HYDIN: variants seen among roughly 807,000 people sequenced by gnomAD.
HYDIN encodes axonemal central pair apparatus protein HYDIN.
In HYDIN, 132 loss-of-function variants were observed where a neutral mutation model predicts 403.9. That is an observed-to-expected ratio of 0.33 (90% CI 0.28 to 0.38). The LOEUF (loss-of-function observed/expected upper bound fraction) is 0.38, where lower values mean the gene tolerates loss of function less well. Ranked by LOEUF, HYDIN falls within the 10% of genes least tolerant of loss-of-function variation. HYDIN has a pLI of 1.00. For missense variants in HYDIN, 2,827 were observed against 5,009.5 expected, an observed-to-expected ratio of 0.56 and a Z score of 13.15; for synonymous variants, 1,202 against 1,891.7, an observed-to-expected ratio of 0.64 and a Z score of 9.46.
chr16:71,067,039 C>A (rs1225386454), intron 15 of HYDIN: 6 of 643,866 alleles, frequency 9.3e-6, no homozygotes, highest in Non-Finnish European at 1.7e-5. Flanking sequence ...AGGGTCTGAC[C>A]CGTTTTTTCA....
At chr16:70,996,209 C>G (rs2079527749) in intron 23 of HYDIN, among the ~76,000 whole-genome samples, 2 of 152,314 alleles carry the variant, frequency 1.3e-5, no homozygotes, top group South Asian at 4.1e-4. Context: ...TCTTGCTTCC[C>G]TTAATTTCTT....
intron 52 of HYDIN, among the ~76,000 whole-genome samples, chr16:70,902,285 G>A (rs998725357): frequency 2.0e-4 from 25 of 126,814 alleles, no homozygotes; most frequent in Non-Finnish European, 3.2e-4. Context: ...AATAGGTGGA[G>A]TTGATATTAT....
intron 1 of HYDIN, among the ~76,000 whole-genome samples, chr16:71,201,835 G>C (rs2088031463): frequency 6.6e-6 from 1 of 152,234 alleles, no homozygotes; most frequent in African/African-American, 2.4e-5. Flanking sequence ...AGTGTCATCT[G>C]AGCTGTATGC....
chr16:71,228,630 A>G (rs570636474), intron 1 of HYDIN, among the ~76,000 whole-genome samples: 1 of 152,284 alleles, frequency 6.6e-6, no homozygotes, highest in South Asian at 2.1e-4. Context: ...ACCAGTTAGA[A>G]TGGCGATTAA....
chr16:70,933,965 C>G (rs2077426203), intron 45 of HYDIN, among the ~76,000 whole-genome samples: 1 of 152,074 alleles, frequency 6.6e-6, no homozygotes, highest in Non-Finnish European at 1.5e-5. Flanking sequence ...AAGGCTGACG[C>G]TGGAAACCTG....
rs1453404391 is a variant in HYDIN at position 71,069,391 on chromosome 16, T to A, written c.1850A>T (p.Glu617Val). Residue 617 changes from glutamate (E) to valine (V), a missense_variant, in exon 14 of 86, where the codon GAG (glutamate) becomes GTG (valine). Glu to Val is a moderately radical substitution (Grantham distance 121). Transcript: ENST00000393567. ...GLGHKSISYC[E>V]QHVDYKRPSW... is the part of the protein sequence containing the mutation. Reference sequence around the variant, plus strand: ...TGGTCTTTTGTAGTCCACATGCTGCTCACAATATGAAATGCTTTTATGGCC... The same window carrying A: ...TGGTCTTTTGTAGTCCACATGCTGCACACAATATGAAATGCTTTTATGGCC... 6.2e-7 allele frequency: 1 copy of A among 1,614,176 alleles called. No individual in the cohort carries two copies. The highest frequency in any genetic ancestry group is 8.5e-7 in the Non-Finnish European group (1 of 1,180,016).
intron 23 of HYDIN, among the ~76,000 whole-genome samples, chr16:70,995,709 A>G (rs2079510885): frequency 6.6e-6 from 1 of 152,134 alleles, no homozygotes; most frequent in Non-Finnish European, 1.5e-5. Context: ...AAGTCTGCGC[A>G]GTGTAGTCTT....
At chr16:70,960,784 C>T (rs1333951928) in intron 38 of HYDIN, among the ~76,000 whole-genome samples, 3 of 152,308 alleles carry the variant, frequency 2.0e-5, no homozygotes, top group Non-Finnish European at 2.9e-5. Context: ...CTCCGCCTCC[C>T]GGGTTCAAGT....
intron 1 of HYDIN, among the ~76,000 whole-genome samples, chr16:71,222,951 T>C (rs2040867362): frequency 1.3e-5 from 2 of 152,132 alleles, no homozygotes; most frequent in African/African-American, 2.4e-5. Flanking sequence ...AACATCATTC[T>C]TCACAGAACT....
At chr16:70,956,067 G>C (rs1567901744) in intron 39 of HYDIN, among the ~76,000 whole-genome samples, 1 of 152,150 alleles carries the variant, frequency 6.6e-6, no homozygotes, top group Non-Finnish European at 1.5e-5. Context: ...TGATCCACCT[G>C]CCTTGGCCTC....
At chr16:71,068,472 T>C (rs1281309896) in intron 14 of HYDIN, among the ~76,000 whole-genome samples, 1 of 151,610 alleles carries the variant, frequency 6.6e-6, no homozygotes, top group Non-Finnish European at 1.5e-5. Context: ...AATCCTAGTG[T>C]GACTGTAACC....
intron 45 of HYDIN, among the ~76,000 whole-genome samples, chr16:70,922,337 A>T (rs1291403664): frequency 1.3e-5 from 2 of 152,268 alleles, no homozygotes; most frequent in Non-Finnish European, 2.9e-5. Flanking sequence ...TGTACTTGCA[A>T]GACTGTGGGA....
intron 10 of HYDIN, among the ~76,000 whole-genome samples, chr16:71,102,692 CA>C (rs2083494738): frequency 1.3e-5 from 2 of 151,902 alleles, no homozygotes; most frequent in East Asian, 3.9e-4. Flanking sequence ...ATGTGTTATG[CA>C]TTATCAGCTC....
intron 62 of HYDIN, among the ~76,000 whole-genome samples, chr16:70,879,083 T>C (rs970447802): frequency 1.3e-4 from 19 of 150,106 alleles, no homozygotes; most frequent in Non-Finnish European, 2.2e-4. Flanking sequence ...CCTTGGACAG[T>C]AGTTAATGAT....
chr16:71,016,079 T>G (rs1257886428), intron 23 of HYDIN, among the ~76,000 whole-genome samples: 1 of 151,082 alleles, frequency 6.6e-6, no homozygotes, highest in Non-Finnish European at 1.5e-5. Context: ...GAGTTTGAAA[T>G]GTTTTTCAAG....
intron 10 of HYDIN, among the ~76,000 whole-genome samples, chr16:71,112,556 G>T (rs1192958048): frequency 1.3e-5 from 2 of 152,138 alleles, no homozygotes; most frequent in Admixed American, 6.5e-5. Context: ...CTAAAATGAG[G>T]CATAGTTGTG....
At chr16:71,042,090 T>C (rs1369303541) in intron 18 of HYDIN, among the ~76,000 whole-genome samples, 1 of 150,858 alleles carries the variant, frequency 6.6e-6, no homozygotes, top group African/African-American at 2.4e-5. Context: ...TTATGATCAA[T>C]ATTTGCATAC....
At chr16:71,106,597 G>A (rs1410721829) in intron 10 of HYDIN, among the ~76,000 whole-genome samples, 2 of 152,150 alleles carry the variant, frequency 1.3e-5, no homozygotes, top group African/African-American at 2.4e-5. Flanking sequence ...AGTTGGAGAC[G>A]TGGGTTAAAT....
intron 18 of HYDIN, among the ~76,000 whole-genome samples, chr16:71,056,591 G>A (rs11075848): frequency 5.9e-4 from 89 of 151,688 alleles, no homozygotes; most frequent in African/African-American, 2.0e-3. Context: ...CTGTGTGGCC[G>A]CACATGAGGC....
Sources: gnomAD v4.1 joint callset for allele counts (sites outside exome capture counted in the v4.1 genomes callset) on GRCh38, gnomAD v4.1.1 for gene constraint, MANE v1.5 for transcripts, NCBI Gene and HGNC (gene_info 2026-07-23, HGNC 2026-07-21) for gene names.